Variants in PRKAG2 observed in about 807,000 individuals in gnomAD.
The protein encoded by PRKAG2 is 5'-AMP-activated protein kinase subunit gamma-2.
Under a neutral mutation model 69.6 loss-of-function variants are expected in PRKAG2, and 26 were observed. The ratio of observed to expected loss-of-function variants is 0.37; its 90% CI spans 0.27 to 0.52. The LOEUF (loss-of-function observed/expected upper bound fraction) is 0.52, where lower values mean the gene tolerates loss of function less well. Ranked by LOEUF, PRKAG2 falls within the 20% of genes least tolerant of loss-of-function variation. PRKAG2 has a pLI of 0.90. For synonymous variants in PRKAG2, 293 were observed against 285.0 expected (o/e 1.03, Z -0.28); for missense variants, 557 against 740.0 (o/e 0.75, Z 2.87).
rs140938036 is a variant in PRKAG2, at chr7:151,852,352, G to A, written c.114+24155C>T. Among the ~76,000 whole-genome samples the A allele has an allele frequency of 1.4e-3, 219 of 152,186 alleles. 5 individuals are homozygous for A. The South Asian group carries it at 0.032, about 23-fold the overall frequency. On this transcript the variant is annotated intron_variant, in intron 1 of 15. Transcript: ENST00000287878. ...TTTACTGAAAATACAAAAATTAACC[G>A]GGCATGGTAGCACACGCATGTAATC...
intron 3 of PRKAG2, among the ~76,000 whole-genome samples, chr7:151,755,521 G>A (rs561212144): frequency 6.6e-6 from 1 of 152,242 alleles, no homozygotes; most frequent in East Asian, 1.9e-4. Flanking sequence ...GCGGCGTCAA[G>A]GGGTTGAACA....
intron 5 of PRKAG2, among the ~76,000 whole-genome samples, chr7:151,608,087 G>A (rs866079486): frequency 6.6e-6 from 1 of 152,094 alleles, no homozygotes; most frequent in African/African-American, 2.4e-5. Flanking sequence ...GTGGAGGCTG[G>A]GGCGACGCAG....
intron 3 of PRKAG2, among the ~76,000 whole-genome samples, chr7:151,745,840 C>A (rs978949058): frequency 5.9e-5 from 9 of 152,166 alleles, no homozygotes; most frequent in African/African-American, 2.2e-4. Flanking sequence ...TCGGTGGGGC[C>A]CTTTTCAGTC....
chr7:151,604,498 T>G (rs1355577812), intron 5 of PRKAG2, among the ~76,000 whole-genome samples: 4 of 151,868 alleles, frequency 2.6e-5, no homozygotes, highest in Admixed American at 6.6e-5. Context: ...ATTAGCCAGG[T>G]GTGGTGGTGC....
Position 151,777,413 on chromosome 7 carries a change from G to A in PRKAG2, c.466+3739C>T, listed in dbSNP as rs1442792009. 6.6e-6 allele frequency among the ~76,000 whole-genome samples: 1 copy of A among 152,184 alleles called. No individual in the cohort carries two copies. The highest frequency in any genetic ancestry group is 1.5e-5 in the Non-Finnish European group (1 of 68,034). Reference sequence around the variant, plus strand: ...CCGGTGTTGGAGGTGGGGCCCCGTGGGAGGTGTTTGGGTCCTGGGGGCAGA... The same window carrying A: ...CCGGTGTTGGAGGTGGGGCCCCGTGAGAGGTGTTTGGGTCCTGGGGGCAGA... On this transcript the variant is annotated intron_variant, in intron 3 of 15. Coordinates refer to ENST00000287878, the MANE Select transcript of PRKAG2 (RefSeq NM_016203.4). This position sits in a 1 kb window ranked among gnomAD's most constrained non-coding sequence, Gnocchi z 4.3.
intron 6 of PRKAG2, among the ~76,000 whole-genome samples, chr7:151,589,826 T>C (rs542796261): frequency 3.3e-5 from 5 of 152,218 alleles, no homozygotes; most frequent in African/African-American, 9.6e-5. Flanking sequence ...TCCCAGCTAC[T>C]CAGGTGGGTG....
chr7:151,702,669 CA>C (rs1266816013), intron 3 of PRKAG2, among the ~76,000 whole-genome samples: 10 of 152,212 alleles, frequency 6.6e-5, no homozygotes, highest in Non-Finnish European at 1.2e-4. Flanking sequence ...CCAAGAATCC[CA>C]AGTTAAAATA....
Position 151,572,481 on chromosome 7 carries a change from A to C in PRKAG2, c.1051+183T>G. 3 of 529,246 alleles carry C rather than the reference A, an allele frequency of 5.7e-6. No individual in the cohort carries two copies. In the East Asian group the frequency reaches 9.7e-5, roughly 17 times the overall value. The allele number at this position is 529,246 out of a possible 1,614,324, so 32.8% of individuals were successfully genotyped here. A position where few individuals can be genotyped will look rare whatever the true frequency, so the allele number is the denominator to read the frequency against. On this transcript the variant is annotated intron_variant, in intron 9 of 15. Transcript: ENST00000287878. ...ATACATGTCTATAAACAGAAGGGAC[A>C]ATACTTATATTGTTCAGCTTTAGTA...
chr7:151,702,275 T>G (rs1294645800), intron 3 of PRKAG2, among the ~76,000 whole-genome samples: 1 of 152,214 alleles, frequency 6.6e-6, no homozygotes, highest in Non-Finnish European at 1.5e-5. Context: ...CCACATCCTT[T>G]ACATCCCTAG....
chr7:151,750,520 G>A (rs1335668497), intron 3 of PRKAG2, among the ~76,000 whole-genome samples: 1 of 152,236 alleles, frequency 6.6e-6, no homozygotes, highest in African/African-American at 2.4e-5. Flanking sequence ...AGGTCATGGG[G>A]TTCTGTTTCT....
chr7:151,621,482 A>C (rs1213719244), intron 5 of PRKAG2, among the ~76,000 whole-genome samples: 1 of 152,222 alleles, frequency 6.6e-6, no homozygotes, highest in Non-Finnish European at 1.5e-5. Context: ...TAGGAGTTGC[A>C]GACCAACCTG....
At chr7:151,728,824 C>T (rs1236367636) in intron 3 of PRKAG2, among the ~76,000 whole-genome samples, 1 of 152,168 alleles carries the variant, frequency 6.6e-6, no homozygotes, top group Non-Finnish European at 1.5e-5. Context: ...CCACCAGCGC[C>T]CAGCCCCGTC....
chr7:151,873,920 T>C (rs550189298), intron 1 of PRKAG2, among the ~76,000 whole-genome samples: 165 of 152,172 alleles, frequency 1.1e-3, no homozygotes, highest in African/African-American at 3.8e-3. Context: ...TGTTCTTGTT[T>C]CTCTCTATAT....
chr7:151,693,879 T>C (rs1192586893), intron 3 of PRKAG2, among the ~76,000 whole-genome samples: 1 of 152,224 alleles, frequency 6.6e-6, no homozygotes, highest in Non-Finnish European at 1.5e-5. Context: ...TTTCTGTTCT[T>C]TTTTTGTTTT....
At chr7:151,639,448 T>C (rs957427601) in intron 4 of PRKAG2, among the ~76,000 whole-genome samples, 2 of 152,158 alleles carry the variant, frequency 1.3e-5, no homozygotes, top group South Asian at 2.1e-4. Flanking sequence ...TCTGGGTGTG[T>C]CCGTGCAGGA....
chr7:151,694,622 G>A (rs977255877), intron 3 of PRKAG2, among the ~76,000 whole-genome samples: 15 of 152,210 alleles, frequency 9.9e-5, no homozygotes, highest in Non-Finnish European at 1.3e-4. Context: ...GCACCTGTCA[G>A]AATCTCCTTC....
At chr7:151,786,605 C>G in intron 1 of PRKAG2, 64 bp from the exon 2 acceptor site, 1 of 1,356,536 alleles carries the variant, frequency 7.4e-7, no homozygotes, top group Non-Finnish European at 1.0e-6. Context: ...CTGCATGGAA[C>G]TCTACGTGGG....
intron 10 of PRKAG2, among the ~76,000 whole-genome samples, chr7:151,569,874 G>A (rs962985097): frequency 6.6e-6 from 1 of 152,178 alleles, no homozygotes; most frequent in East Asian, 1.9e-4. Flanking sequence ...TGATTTAGCA[G>A]GTCAGGGGTA....
At chr7:151,697,420 T>C (rs1383499362) in intron 3 of PRKAG2, among the ~76,000 whole-genome samples, 1 of 151,914 alleles carries the variant, frequency 6.6e-6, no homozygotes, top group Non-Finnish European at 1.5e-5. Context: ...CTGAGGAGGC[T>C]CTGCCACCAC....
Sources: allele counts gnomAD v4.1 joint callset (sites outside exome capture counted in the v4.1 genomes callset), GRCh38; gene constraint gnomAD v4.1.1; non-coding constraint Gnocchi (gnomAD v3.1); transcripts MANE v1.5; gene names NCBI Gene and HGNC (gene_info 2026-07-23, HGNC 2026-07-21).